Variants in TEX10 observed in about 807,000 individuals in gnomAD.
TEX10 encodes testis expressed 10.
A neutral mutation model predicts 104.4 loss-of-function variants in TEX10; 24 were observed. The observed-to-expected ratio is 0.23, with a 90% CI of 0.17 to 0.32. TEX10 has a LOEUF of 0.32. Among genes scored for constraint, TEX10 ranks in the 10% least tolerant of loss-of-function variants. TEX10 has a pLI of 1.00. For synonymous variants in TEX10, 396 were observed against 393.4 expected (o/e 1.01, Z -0.08); for missense variants, 921 against 1,083.9 (o/e 0.85, Z 2.11).
chr9:100,351,226 G>C (rs1220360024), intron 1 of TEX10, among the ~76,000 whole-genome samples: 1 of 152,034 alleles, frequency 6.6e-6, no homozygotes, highest in African/African-American at 2.4e-5. Flanking sequence ...TCACAGAACT[G>C]AGCTCTGCAA....
rs1588172139 is a variant in TEX10, at chr9:100,321,849, C to T, written c.1980-78G>A. 5 of 1,039,238 alleles carry T rather than the reference C, an allele frequency of 4.8e-6. No homozygotes were observed. The East Asian group carries it at 1.2e-4, about 25-fold the overall frequency. 64.4% of individuals were successfully genotyped at this position (1,039,238 alleles called of 1,614,324 possible). ...TGTCAAAGGTAGCACAGTATATAACCATTGTTCTTTACTGAAAACAAGTTT... is the reference window on the plus strand; with the variant it reads ...TGTCAAAGGTAGCACAGTATATAACTATTGTTCTTTACTGAAAACAAGTTT... On this transcript the variant is annotated intron_variant, in intron 9 of 14. Transcript: ENST00000374902.
chr9:100,349,514 A>C, intron 1 of TEX10, 142 bp from the exon 2 acceptor site: 1 of 576,004 alleles, frequency 1.7e-6, no homozygotes, highest in Non-Finnish European at 2.7e-6. Context: ...CAAAATATTA[A>C]AAAATGCTGT....
rs556029838 is a variant in TEX10, at chr9:100,308,778, T to C, written c.2284-97A>G. The stretch of plus-strand genomic sequence containing the variant: ...TTAATTCACGATTAACTTTACATTA[T>C]TTCTACTGAAAACCAATATATACCT... On this transcript the variant is annotated intron_variant, in intron 12 of 14. Coordinates refer to ENST00000374902, the MANE Select transcript of TEX10 (RefSeq NM_017746.4). The C allele has an allele frequency of 8.5e-4, 1,030 of 1,212,486 alleles. 1 individual carries two copies. Among genetic ancestry groups the C allele is most frequent in the Non-Finnish European group, 1.1e-3 (999 of 908,358 alleles). The allele number at this position is 1,212,486 out of a possible 1,614,324, so 75.1% of individuals were successfully genotyped here. A position where few individuals can be genotyped will look rare whatever the true frequency, so the allele number is the denominator to read the frequency against.
rs891255394 is a variant in TEX10 at position 100,302,084 on chromosome 9, T to A, written c.*107A>T. On this transcript the variant is annotated 3_prime_UTR_variant, in exon 15 of 15. Coordinates refer to ENST00000374902, the MANE Select transcript of TEX10 (RefSeq NM_017746.4). The stretch of plus-strand genomic sequence containing the variant: ...GTGCAAAGAAAGAAGGTTCGTAAAC[T>A]TCTTTAAAAGTTCAGCTTTAATGAC... 17 of 657,750 alleles carry A rather than the reference T, an allele frequency of 2.6e-5. No individual in the cohort carries two copies. In the East Asian group the frequency reaches 4.6e-4, roughly 18 times the overall value. 40.7% of individuals were successfully genotyped at this position (657,750 alleles called of 1,614,324 possible).
intron 1 of TEX10, chr9:100,352,514 A>G (rs1587749967): frequency 6.4e-7 from 1 of 1,550,638 alleles, no homozygotes; most frequent in Non-Finnish European, 8.7e-7. Context: ...ACTCCGGGCT[A>G]AAACTCTCTC....
At chr9:100,312,491 T>G (rs1275775930) in intron 11 of TEX10, among the ~76,000 whole-genome samples, 1 of 152,182 alleles carries the variant, frequency 6.6e-6, no homozygotes, top group African/African-American at 2.4e-5. Context: ...TAGAATAAAC[T>G]CTGTGGTGTT....
At position 100,332,038 on chromosome 9, in the gene TEX10, C is replaced by T. The variant is rs146698536; in HGVS notation, c.1251-1869G>A. Reference sequence around the variant, plus strand: ...CAGAGAGATCTAGAAATTAATTCTACGTTGGATATGTTGAGCCTAAAGTAT... The same window carrying T: ...CAGAGAGATCTAGAAATTAATTCTATGTTGGATATGTTGAGCCTAAAGTAT... On this transcript the variant is annotated intron_variant, in intron 5 of 14. Coordinates refer to ENST00000374902, the MANE Select transcript of TEX10 (RefSeq NM_017746.4). 1.8e-4 allele frequency among the ~76,000 whole-genome samples: 28 copies of T among 152,286 alleles called. No homozygotes were observed. The East Asian group carries it at 5.0e-3, about 27-fold the overall frequency.
At chr9:100,313,900 C>T (rs571658774) in intron 11 of TEX10, among the ~76,000 whole-genome samples, 9 of 151,318 alleles carry the variant, frequency 5.9e-5, no homozygotes, top group East Asian at 5.8e-4. Context: ...CTTTTCTCAG[C>T]GTGTCCCTGT....
intron 11 of TEX10, among the ~76,000 whole-genome samples, chr9:100,313,927 G>A (rs192371016): frequency 2.0e-4 from 30 of 151,744 alleles, no homozygotes; most frequent in Admixed American, 8.5e-4. Flanking sequence ...TTGGTATCAC[G>A]TGATACTGGT....
intron 11 of TEX10, among the ~76,000 whole-genome samples, chr9:100,312,387 T>C (rs181977629): frequency 3.2e-4 from 49 of 152,258 alleles, no homozygotes; most frequent in Non-Finnish European, 5.0e-4. Flanking sequence ...AGACTAATTA[T>C]AGACAGAGAA....
intron 9 of TEX10, among the ~76,000 whole-genome samples, chr9:100,324,746 CA>C (rs1369993824): frequency 6.6e-6 from 1 of 152,046 alleles, no homozygotes. Context: ...AAGAAACATT[CA>C]AGGGGTGATT....
intron 4 of TEX10, among the ~76,000 whole-genome samples, chr9:100,345,459 T>C (rs1213923082): frequency 6.6e-6 from 1 of 152,240 alleles, no homozygotes; most frequent in Non-Finnish European, 1.5e-5. Context: ...GCAATTCTTC[T>C]GAAAACCAGA....
chr9:100,316,894 TAAAAAAAAAA>T (rs35651841), intron 11 of TEX10, among the ~76,000 whole-genome samples: 1 of 53,442 alleles, frequency 1.9e-5, no homozygotes, highest in East Asian at 6.7e-4. Context: ...TTATAATAGC[TAAAAAAAAAA>T]AAAAAAAAAA....
At chr9:100,307,889 G>T (rs963800786) in intron 13 of TEX10, 1 of 152,060 alleles carries the variant, frequency 6.6e-6, no homozygotes, top group African/African-American at 2.4e-5. Context: ...TTAACAGCAG[G>T]TGACAGAATA....
intron 11 of TEX10, 90 bp from the exon 12 acceptor site, chr9:100,310,469 C>A: frequency 2.5e-6 from 3 of 1,200,878 alleles, no homozygotes; most frequent in Non-Finnish European, 3.6e-6. Context: ...GACAGAGTTT[C>A]ACTCTGTCGC....
At chr9:100,308,441 T>C (rs1834193966) in intron 13 of TEX10, 59 bp downstream of exon 13, 1 of 1,408,074 alleles carries the variant, frequency 7.1e-7, no homozygotes, top group Non-Finnish European at 9.6e-7. Context: ...TATTTTATTA[T>C]TTGGTTGGGG....
At chr9:100,323,154 C>CA (rs1472138289) in intron 9 of TEX10, among the ~76,000 whole-genome samples, 2 of 152,132 alleles carry the variant, frequency 1.3e-5, no homozygotes, top group African/African-American at 2.4e-5. Flanking sequence ...AAAGGGGCAG[C>CA]AAATTTATTT....
intron 11 of TEX10, 88 bp downstream of exon 11, chr9:100,320,177 C>T: frequency 8.1e-7 from 1 of 1,235,062 alleles, no homozygotes; most frequent in Non-Finnish European, 1.1e-6. Context: ...GAAAAGATCT[C>T]ACACAAGGCA....
intron 5 of TEX10, among the ~76,000 whole-genome samples, chr9:100,332,921 A>C (rs777401713): frequency 4.6e-5 from 7 of 152,206 alleles, no homozygotes; most frequent in Admixed American, 6.5e-5. Context: ...AAAGCTGCAA[A>C]ACTAAGGCAA....
Sources: allele counts gnomAD v4.1 joint callset (sites outside exome capture counted in the v4.1 genomes callset), GRCh38; gene constraint gnomAD v4.1.1; transcripts MANE v1.5; gene names NCBI Gene and HGNC (gene_info 2026-07-23, HGNC 2026-07-21).